Variants in DLGAP2 observed in about 807,000 individuals in gnomAD.
DLGAP2 encodes disks large-associated protein 2.
Under a neutral mutation model 100.3 loss-of-function variants are expected in DLGAP2, and 26 were observed. The observed-to-expected ratio is 0.26, with a 90% CI of 0.19 to 0.36. The LOEUF is 0.36. Among genes scored for constraint, DLGAP2 ranks in the 10% least tolerant of loss-of-function variants. The pLI is 1.00. For synonymous variants in DLGAP2, 886 were observed against 630.1 expected (o/e 1.41, Z -6.08); for missense variants, 1,858 against 1,453.2 (o/e 1.28, Z -4.53).
chr8:1,367,014 C>A (rs942972370), intron 3 of DLGAP2, among the ~76,000 whole-genome samples: 2 of 152,156 alleles, frequency 1.3e-5, no homozygotes, highest in African/African-American at 2.4e-5. Flanking sequence ...TTAACATTTA[C>A]ATGGCAACCC....
chr8:886,700 C>G (rs979684234), intron 1 of DLGAP2, among the ~76,000 whole-genome samples: 4 of 152,114 alleles, frequency 2.6e-5, no homozygotes, highest in African/African-American at 9.7e-5. Context: ...TTTCTTAATC[C>G]CAAGTTCTAA....
intron 2 of DLGAP2, among the ~76,000 whole-genome samples, chr8:1,192,019 C>T (rs1003047255): frequency 6.6e-6 from 1 of 152,186 alleles, no homozygotes; most frequent in Admixed American, 6.5e-5. Flanking sequence ...TTCCGGTTAC[C>T]TTGTATGACT....
intron 2 of DLGAP2, among the ~76,000 whole-genome samples, chr8:1,088,491 C>G (rs1188361196): frequency 6.6e-6 from 1 of 152,202 alleles, no homozygotes; most frequent in Non-Finnish European, 1.5e-5. Flanking sequence ...TAGTCTTTCT[C>G]TGTCTGTTTT....
At chr8:984,473 G>C (rs1584947237) in intron 2 of DLGAP2, among the ~76,000 whole-genome samples, 1 of 152,328 alleles carries the variant, frequency 6.6e-6, no homozygotes, top group Admixed American at 6.5e-5. Context: ...GTTGGGCCTA[G>C]GTTTATCTTG....
chr8:1,444,761 C>G (rs928344665), intron 3 of DLGAP2, among the ~76,000 whole-genome samples: 2 of 149,236 alleles, frequency 1.3e-5, no homozygotes, highest in African/African-American at 5.0e-5. Flanking sequence ...ATGCTTTGAG[C>G]CAGGTCATTC....
chr8:1,490,405 A>C (rs996939441), intron 3 of DLGAP2, among the ~76,000 whole-genome samples: 2 of 152,212 alleles, frequency 1.3e-5, no homozygotes, highest in African/African-American at 4.8e-5. Flanking sequence ...TACGTCAGCT[A>C]AAGAAGTTAA....
At position 874,635 on chromosome 8, in the gene DLGAP2, G is replaced by A. The variant is rs571295231; in HGVS notation, c.19-33277G>A. ...GGTTTGTTTTATGGCTTAACATATG[G>A]TATATTCTGGGAATGTTTTATGTGC... is the stretch of plus-strand genomic sequence containing the variant. On this transcript the variant is annotated intron_variant, in intron 1 of 14. Transcript: ENST00000637795. Among the ~76,000 whole-genome samples, 4 of 152,218 alleles carry A rather than the reference G, an allele frequency of 2.6e-5. No homozygotes were observed. In the East Asian group the frequency reaches 7.7e-4, roughly 29 times the overall value.
At chr8:1,486,879 G>A (rs1799247982) in intron 3 of DLGAP2, among the ~76,000 whole-genome samples, 1 of 152,220 alleles carries the variant, frequency 6.6e-6, no homozygotes, top group African/African-American at 2.4e-5. Flanking sequence ...AACTGGAACA[G>A]CCTCTGCCTG....
intron 2 of DLGAP2, among the ~76,000 whole-genome samples, chr8:990,151 T>C (rs940173365): frequency 3.3e-5 from 5 of 151,942 alleles, no homozygotes; most frequent in Non-Finnish European, 5.9e-5. Context: ...TTGAGCTCCA[T>C]CCATGGTGTT....
chr8:1,516,574 CGTGAATGAGTGA>C lies in DLGAP2; in HGVS notation c.172+15155_172+15166del, dbSNP rs947842049. 2.2e-4 allele frequency among the ~76,000 whole-genome samples: 25 copies of C among 111,276 alleles called. No homozygotes were observed. In the East Asian group the frequency reaches 3.3e-3, roughly 15 times the overall value. 73.0% of individuals were successfully genotyped at this position (111,276 alleles called of 152,430 possible). A position where few individuals can be genotyped will look rare whatever the true frequency, so the allele number is the denominator to read the frequency against. On this transcript the variant is annotated intron_variant, in intron 4 of 14. Transcript: ENST00000637795. ...GAGTGAGTGAATGAGGGAGGGAGGG[CGTGAATGAGTGA>C]GTGAATGAGTGCATGAATGAGTGAG...
chr8:1,133,971 T>C (rs1585091941), intron 2 of DLGAP2, among the ~76,000 whole-genome samples: 1 of 152,128 alleles, frequency 6.6e-6, no homozygotes, highest in Non-Finnish European at 1.5e-5. Context: ...ACCCATTAGT[T>C]ACTTTTCCTA....
chr8:1,215,937 G>C (rs1185926648), intron 2 of DLGAP2, among the ~76,000 whole-genome samples: 8 of 151,516 alleles, frequency 5.3e-5, no homozygotes, highest in Non-Finnish European at 1.5e-5. Flanking sequence ...TACCTGGATG[G>C]GTTCATTTGG....
intron 2 of DLGAP2, among the ~76,000 whole-genome samples, chr8:1,136,300 T>A (rs1585094309): frequency 6.6e-6 from 1 of 150,862 alleles, no homozygotes; most frequent in Admixed American, 6.6e-5. Context: ...TCAAACCTCG[T>A]AAAAAAAAAC....
chr8:1,137,647 TAAC>T (rs1177390698), intron 2 of DLGAP2: 1 of 152,246 alleles, frequency 6.6e-6, no homozygotes, highest in Non-Finnish European at 1.5e-5. Context: ...TGTCTTTCTA[TAAC>T]GATTGGTATC....
intron 2 of DLGAP2, among the ~76,000 whole-genome samples, chr8:1,161,763 G>A (rs187619750): frequency 3.3e-5 from 5 of 151,136 alleles, no homozygotes; most frequent in African/African-American, 7.3e-5. Context: ...AGCCTCCCCC[G>A]GGTGCCATGG....
chr8:1,010,479 C>T (rs1241181173), intron 2 of DLGAP2, among the ~76,000 whole-genome samples: 4 of 152,236 alleles, frequency 2.6e-5, no homozygotes, highest in South Asian at 4.1e-4. Context: ...CATGTGCACT[C>T]TAAAATACTA....
At chr8:1,421,780 A>T (rs1797093512) in intron 3 of DLGAP2, among the ~76,000 whole-genome samples, 2 of 152,078 alleles carry the variant, frequency 1.3e-5, no homozygotes, top group African/African-American at 4.8e-5. Flanking sequence ...CCTGGCCAAC[A>T]TGGTGAAACC....
chr8:839,527 C>T (rs539660834), intron 1 of DLGAP2, among the ~76,000 whole-genome samples: 7 of 152,292 alleles, frequency 4.6e-5, no homozygotes, highest in Admixed American at 1.3e-4. Flanking sequence ...AAACATTGAG[C>T]TCACAGAAGC....
At position 1,059,511 on chromosome 8, in the gene DLGAP2, G is replaced by A. The variant is rs543737134; in HGVS notation, c.73+151545G>A. On this transcript the variant is annotated intron_variant, in intron 2 of 14. Coordinates refer to ENST00000637795, the MANE Select transcript of DLGAP2 (RefSeq NM_001346810.2). ...CAAGAGGATTGAATGAGCAGAGCAC[G>A]TGGTGTGTGGCGAGTGTGGGCTGTT... Among the ~76,000 whole-genome samples the A allele has an allele frequency of 1.6e-4, 25 of 152,310 alleles. No individual in the cohort carries two copies. In the East Asian group the frequency reaches 3.1e-3, roughly 19 times the overall value.
Sources: gnomAD v4.1 joint callset for allele counts (sites outside exome capture counted in the v4.1 genomes callset) on GRCh38, gnomAD v4.1.1 for gene constraint, MANE v1.5 for transcripts, NCBI Gene and HGNC (gene_info 2026-07-23, HGNC 2026-07-21) for gene names.